Variants in FAF1 observed in about 807,000 individuals in gnomAD.
FAF1 encodes the protein Fas associated factor 1, also known as FAS-associated factor 1.
Under a neutral mutation model 92.5 loss-of-function variants are expected in FAF1, and 25 were observed. The observed-to-expected ratio is 0.27, with a 90% CI of 0.20 to 0.38. The LOEUF (loss-of-function observed/expected upper bound fraction) is 0.38, where lower values mean the gene tolerates loss of function less well. FAF1 is among the 10% of genes least tolerant of loss of function. The probability of loss-of-function intolerance (pLI) is 1.00; values close to 1 mark genes in which losing one functional copy is unlikely to be tolerated. For synonymous variants in FAF1, 234 were observed against 273.2 expected, an observed-to-expected ratio of 0.86 and a Z score of 1.42; for missense variants, 636 against 793.3, an observed-to-expected ratio of 0.80 and a Z score of 2.38.
chr1:50,871,584 G>A (rs1286873571), intron 1 of FAF1, among the ~76,000 whole-genome samples: 1 of 152,152 alleles, frequency 6.6e-6, no homozygotes, highest in Non-Finnish European at 1.5e-5. Flanking sequence ...AAGCCTGAAT[G>A]ACAGCACATC....
chr1:50,873,616 G>T (rs1362476977), intron 1 of FAF1, among the ~76,000 whole-genome samples: 1 of 152,154 alleles, frequency 6.6e-6, no homozygotes. Context: ...CCAACACCAT[G>T]ATACTTTACA....
At chr1:50,495,297 C>A (rs1333488100) in intron 15 of FAF1, among the ~76,000 whole-genome samples, 1 of 152,208 alleles carries the variant, frequency 6.6e-6, no homozygotes, top group Non-Finnish European at 1.5e-5. Flanking sequence ...TCCTTCTACT[C>A]TCTATCTCCA....
chr1:50,714,254 G>A (rs1406860131), intron 6 of FAF1, among the ~76,000 whole-genome samples: 3 of 149,482 alleles, frequency 2.0e-5, no homozygotes, highest in East Asian at 4.0e-4. Context: ...TGTAATCCTA[G>A]CACTTTGGGA....
chr1:50,819,638 TCA>T (rs375892280), intron 2 of FAF1, among the ~76,000 whole-genome samples: 2,196 of 97,756 alleles, frequency 0.022, 97 homozygotes, highest in East Asian at 0.15. Context: ...ACTGACTCAC[TCA>T]CACACACACA....
chr1:50,738,785 G>T, intron 6 of FAF1, 78 bp downstream of exon 6: 2 of 863,022 alleles, frequency 2.3e-6, no homozygotes, highest in Admixed American at 4.5e-5. Context: ...ATTTAATTTT[G>T]AGGTTTATAT....
intron 15 of FAF1, among the ~76,000 whole-genome samples, chr1:50,510,331 T>C (rs1647118206): frequency 6.6e-6 from 1 of 152,078 alleles, no homozygotes; most frequent in Admixed American, 6.5e-5. Flanking sequence ...TTTCAATAAC[T>C]AGATGTGTGA....
intron 8 of FAF1, among the ~76,000 whole-genome samples, chr1:50,629,840 C>T (rs190610675): frequency 8.7e-4 from 132 of 152,182 alleles, no homozygotes; most frequent in Non-Finnish European, 1.0e-3. Context: ...AGGCAGATCA[C>T]CTGAAGTCAG....
intron 1 of FAF1, among the ~76,000 whole-genome samples, chr1:50,941,180 G>A (rs548214027): frequency 2.6e-5 from 4 of 151,820 alleles, no homozygotes; most frequent in African/African-American, 9.7e-5. Context: ...TTACAGGTGC[G>A]CGCTGCCACG....
rs141536229 is a variant in FAF1 at position 50,945,253 on chromosome 1, G to A, written c.45+14514C>T. Among the ~76,000 whole-genome samples the A allele has an allele frequency of 1.4e-4, 21 of 152,272 alleles. No individual in the cohort carries two copies. The East Asian group carries it at 3.5e-3, about 25-fold the overall frequency. ...GATTGGTTTCTAGGGTCACGATGGC[G>A]TGGCCAGAGCCAGCTGATTGGACTA... On this transcript the variant is annotated intron_variant, in intron 1 of 18. Transcript: ENST00000396153.
chr1:50,683,460 G>C (rs549417146), intron 7 of FAF1, among the ~76,000 whole-genome samples: 1 of 151,668 alleles, frequency 6.6e-6, no homozygotes, highest in African/African-American at 2.4e-5. Flanking sequence ...TCAGGAGGCA[G>C]AGGTTGCAGT....
intron 8 of FAF1, among the ~76,000 whole-genome samples, chr1:50,646,330 C>T (rs1323659857): frequency 6.6e-6 from 1 of 152,094 alleles, no homozygotes; most frequent in Non-Finnish European, 1.5e-5. Flanking sequence ...CTACTTGCTG[C>T]TATAAAATGC....
intron 1 of FAF1, among the ~76,000 whole-genome samples, chr1:50,917,855 T>C (rs1358012005): frequency 6.6e-6 from 1 of 152,206 alleles, no homozygotes; most frequent in Admixed American, 6.5e-5. Flanking sequence ...AATACATTTA[T>C]CTGATGAACC....
chr1:50,623,749 C>T (rs1032194964), intron 8 of FAF1, among the ~76,000 whole-genome samples: 1 of 151,898 alleles, frequency 6.6e-6, no homozygotes, highest in Non-Finnish European at 1.5e-5. Context: ...CAAGACCAGG[C>T]TGGGCAACTT....
intron 8 of FAF1, among the ~76,000 whole-genome samples, chr1:50,615,124 G>A (rs1652852559): frequency 6.6e-6 from 1 of 152,146 alleles, no homozygotes; most frequent in Non-Finnish European, 1.5e-5. Context: ...ACTTGTAAGT[G>A]AGAACACACA....
intron 7 of FAF1, among the ~76,000 whole-genome samples, chr1:50,678,947 C>T (rs1056881802): frequency 6.6e-6 from 1 of 151,530 alleles, no homozygotes; most frequent in Non-Finnish European, 1.5e-5. Flanking sequence ...AGTAGCCAGG[C>T]GTGGTGGCAG....
intron 8 of FAF1, among the ~76,000 whole-genome samples, chr1:50,636,660 T>C (rs1448818559): frequency 6.6e-6 from 1 of 152,090 alleles, no homozygotes; most frequent in Non-Finnish European, 1.5e-5. Flanking sequence ...CTGGCCTTGT[T>C]TTTATTTTTA....
At chr1:50,591,696 G>T (rs1265424727) in intron 9 of FAF1, among the ~76,000 whole-genome samples, 5 of 137,286 alleles carry the variant, frequency 3.6e-5, no homozygotes, top group Admixed American at 2.9e-4. Context: ...AAAAAAAAAG[G>T]CTTTTACTGC....
chr1:50,444,139 G>A (rs1163414797), intron 18 of FAF1, among the ~76,000 whole-genome samples: 1 of 152,196 alleles, frequency 6.6e-6, no homozygotes, highest in East Asian at 1.9e-4. Flanking sequence ...GCCTGGCTTG[G>A]ACAAACCAAT....
intron 8 of FAF1, among the ~76,000 whole-genome samples, chr1:50,616,607 G>A (rs1420531084): frequency 2.6e-5 from 4 of 151,698 alleles, no homozygotes; most frequent in Non-Finnish European, 5.9e-5. Flanking sequence ...AATGTAAATG[G>A]GATTGTGTTC....
Sources: allele counts gnomAD v4.1 joint callset (sites outside exome capture counted in the v4.1 genomes callset), GRCh38; gene constraint gnomAD v4.1.1; transcripts MANE v1.5; gene names NCBI Gene and HGNC (gene_info 2026-07-23, HGNC 2026-07-21).